The following SLC3A1 variants were observed in gnomAD, a reference collection of about 807,000 sequenced individuals.
The protein encoded by SLC3A1 is amino acid transporter heavy chain SLC3A1.
A neutral mutation model predicts 60.3 loss-of-function variants in SLC3A1; 78 were observed. The ratio of observed to expected loss-of-function variants is 1.29; its 90% CI spans 1.08 to 1.56. The LOEUF (loss-of-function observed/expected upper bound fraction) is 1.56. Ranked by LOEUF, SLC3A1 falls within the 40% of genes most tolerant of loss-of-function variation. The probability of loss-of-function intolerance (pLI) is 0.00; values close to 1 mark genes in which losing one functional copy is unlikely to be tolerated. For missense variants in SLC3A1, 1,172 were observed against 858.9 expected, an observed-to-expected ratio of 1.36 and a Z score of -4.56; for synonymous variants, 392 against 307.9, an observed-to-expected ratio of 1.27 and a Z score of -2.86.
Position 44,280,829 on chromosome 2 carries a change from G to A in SLC3A1, c.544G>A (p.Glu182Lys), listed in dbSNP as rs549909989. The change falls in exon 2 of 10, where the codon GAA (glutamate) becomes AAA (lysine). Residue 182 changes from glutamate (E) to lysine (K), a missense_variant. Coordinates refer to ENST00000260649, the MANE Select transcript of SLC3A1 (RefSeq NM_000341.4). Reference sequence around the variant, plus strand: ...CAGATATGGTGTTGAAGATTTCCGGGAAGTTGATCCCATTTTTGGAACGAT... The same window carrying A: ...CAGATATGGTGTTGAAGATTTCCGGAAAGTTGATCCCATTTTTGGAACGAT... The part of the protein sequence containing the change: ...DFRYGVEDFR[E>K]VDPIFGTMED... The A allele has an allele frequency of 1.5e-4, 236 of 1,614,040 alleles. 1 individual carries two copies. In the South Asian group the frequency reaches 2.5e-3, roughly 17 times the overall value.
At chr2:44,280,441 G>A (rs1671469157) in intron 1 of SLC3A1, among the ~76,000 whole-genome samples, 2 of 151,932 alleles carry the variant, frequency 1.3e-5, no homozygotes, top group Non-Finnish European at 2.9e-5. Context: ...GTTTTGTCAT[G>A]TTGGCCAGGA....
chr2:44,314,451 C>T (rs1672377026), intron 9 of SLC3A1: 2 of 186,830 alleles, frequency 1.1e-5, no homozygotes, highest in South Asian at 1.3e-4. Context: ...GGCTTTTACC[C>T]TTTTTTCTGT....
intron 1 of SLC3A1, among the ~76,000 whole-genome samples, chr2:44,276,937 A>G (rs543452890): frequency 3.0e-4 from 46 of 152,322 alleles, no homozygotes; most frequent in African/African-American, 1.0e-3. Flanking sequence ...ATGTTTTACA[A>G]TGATAATTGG....
In SLC3A1 at chr2:44,312,782, C is replaced by T. The variant is rs780887706; in HGVS notation, c.1500+29C>T. 3 of 1,588,244 alleles carry T rather than the reference C, an allele frequency of 1.9e-6. No homozygotes were observed. In the South Asian group the frequency reaches 3.3e-5, roughly 18 times the overall value. ...AGTTGAATACAACTTGACTATTCAT[C>T]ACAGCTATAAAACCAAGTATTCATT... is the stretch of plus-strand genomic sequence containing the variant. On this transcript the variant is annotated intron_variant, in intron 8 of 9. Transcript: ENST00000260649.
intron 4 of SLC3A1, among the ~76,000 whole-genome samples, chr2:44,294,123 G>T (rs986253570): frequency 1.3e-5 from 2 of 152,086 alleles, no homozygotes; most frequent in Non-Finnish European, 2.9e-5. Context: ...CAAGGGGCAG[G>T]GTATAACGGA....
At chr2:44,280,991 T>C in intron 2 of SLC3A1, 96 bp downstream of exon 2, 1 of 1,089,262 alleles carries the variant, frequency 9.2e-7, no homozygotes. Context: ...TTAACTGTCA[T>C]ATACTATTTC....
intron 9 of SLC3A1, chr2:44,319,320 A>G (rs1414762850): frequency 1.3e-5 from 2 of 152,658 alleles, no homozygotes; most frequent in African/African-American, 4.8e-5. Context: ...GGCATTATGT[A>G]TCAAGTGCCC....
Position 44,286,043 on chromosome 2 carries a change from T to C in SLC3A1, c.777T>C (p.Tyr259=). ...TIPPNNWLSV[Y]GNSSWHFDEV... The stretch of plus-strand genomic sequence containing the variant: ...TCTTTGTTTGCCAGTTAAGTGTGTA[T>C]GGAAACTCCAGTTGGCACTTTGACG... Residue 259 remains tyrosine (Y), a synonymous_variant, in exon 4 of 10, where the codon TAT becomes TAC. Transcript: ENST00000260649. 1 of 1,614,172 alleles carries C rather than the reference T, an allele frequency of 6.2e-7. No homozygotes were observed. Among genetic ancestry groups the C allele is most frequent in the Non-Finnish European group, 8.5e-7 (1 of 1,180,018 alleles).
chr2:44,278,552 G>C (rs1671404011), intron 1 of SLC3A1, among the ~76,000 whole-genome samples: 1 of 152,142 alleles, frequency 6.6e-6, no homozygotes, highest in Non-Finnish European at 1.5e-5. Context: ...CTGTGCTTTG[G>C]AATTAGTGAC....
intron 1 of SLC3A1, 132 bp from the exon 2 acceptor site, chr2:44,280,584 C>A: frequency 2.9e-6 from 2 of 697,384 alleles, no homozygotes; most frequent in South Asian, 1.7e-5. Context: ...TTGAATTATA[C>A]TCAAATTCAA....
intron 9 of SLC3A1, among the ~76,000 whole-genome samples, chr2:44,317,289 CCTAT>C (rs1672504339): frequency 6.6e-6 from 1 of 151,976 alleles, no homozygotes; most frequent in African/African-American, 2.4e-5. Context: ...ATAGTAAGAC[CCTAT>C]CTATCTCTTA....
chr2:44,303,389 G>A (rs1224208333), intron 6 of SLC3A1, among the ~76,000 whole-genome samples: 6 of 151,060 alleles, frequency 4.0e-5, no homozygotes, highest in South Asian at 2.1e-4. Flanking sequence ...GATTACAGGC[G>A]CATATCACCA....
chr2:44,304,183 AC>A lies in SLC3A1; in HGVS notation c.1179del (p.Val394Ter). 1.2e-6 allele frequency: 2 copies of A among 1,614,122 alleles called. No homozygotes were observed. The highest frequency in any genetic ancestry group is 1.7e-6 in the Non-Finnish European group (2 of 1,179,982). ...AGCCTATGCAGAGAGTATTGACAGG[AC>A]CGTGATGTACTATGGATTGCCATTT... ...TEAYAESIDR[T>X]VMYYGLPFIQ... is the part of the protein sequence containing the mutation. On this transcript the variant is annotated frameshift_variant, in exon 7 of 10. Coordinates refer to ENST00000260649, the MANE Select transcript of SLC3A1 (RefSeq NM_000341.4). LOFTEE classifies it high-confidence loss of function.
intron 2 of SLC3A1, 58 bp from the exon 3 acceptor site, chr2:44,281,329 T>C: frequency 1.4e-6 from 2 of 1,472,012 alleles, no homozygotes; most frequent in Non-Finnish European, 1.9e-6. Context: ...GCCTGGCCTG[T>C]CATATGTTAT....
chr2:44,287,629 G>A (rs1671647400), intron 4 of SLC3A1, among the ~76,000 whole-genome samples: 2 of 152,140 alleles, frequency 1.3e-5, no homozygotes, highest in African/African-American at 4.8e-5. Context: ...AAATGGGTTA[G>A]GGCGCTGAAG....
At chr2:44,286,193 T>A in intron 4 of SLC3A1, 36 bp downstream of exon 4, 2 of 1,603,256 alleles carry the variant, frequency 1.2e-6, no homozygotes, top group Non-Finnish European at 1.7e-6. Context: ...TCTCCATTAA[T>A]GGAGGTTTAG....
chr2:44,307,515 C>T (rs191800948), intron 7 of SLC3A1, among the ~76,000 whole-genome samples: 1 of 151,638 alleles, frequency 6.6e-6, no homozygotes, highest in Admixed American at 6.6e-5. Flanking sequence ...GATGGTCTGC[C>T]TTTCTGATGA....
At position 44,298,179 on chromosome 2, in the gene SLC3A1, C is replaced by A. The variant is rs1374720988; in HGVS notation, c.892-1792C>A. ...ACTATACAGTTGATTCTTCATACAT[C>A]AGATCTTTAAAAAAAATGTTAAGTC... On this transcript the variant is annotated intron_variant, in intron 4 of 9. Coordinates refer to ENST00000260649, the MANE Select transcript of SLC3A1 (RefSeq NM_000341.4). Among the ~76,000 whole-genome samples the A allele has an allele frequency of 2.7e-5, 2 of 74,372 alleles. 1 individual carries two copies. The highest frequency in any genetic ancestry group is 1.2e-4 in the African/African-American group (2 of 16,254). 48.8% of individuals were successfully genotyped at this position (74,372 alleles called of 152,430 possible). A position where few individuals can be genotyped will look rare whatever the true frequency, so the allele number is the denominator to read the frequency against.
At chr2:44,316,052 C>T (rs1348072364) in intron 9 of SLC3A1, among the ~76,000 whole-genome samples, 1 of 152,160 alleles carries the variant, frequency 6.6e-6, no homozygotes, top group Non-Finnish European at 1.5e-5. Context: ...AACCCTACAT[C>T]CCAATGTCCC....
Sources: gnomAD v4.1 joint callset for allele counts (sites outside exome capture counted in the v4.1 genomes callset) on GRCh38, gnomAD v4.1.1 for gene constraint, MANE v1.5 for transcripts, NCBI Gene and HGNC (gene_info 2026-07-23, HGNC 2026-07-21) for gene names.